Variants in ARHGAP26 observed in about 807,000 individuals in gnomAD.
ARHGAP26 encodes the protein rho GTPase-activating protein 26.
In ARHGAP26, 38 loss-of-function variants were observed where a neutral mutation model predicts 104.8. That is an observed-to-expected ratio of 0.36 (90% CI 0.28 to 0.48). ARHGAP26 has a LOEUF of 0.48. ARHGAP26 is among the 20% of genes least tolerant of loss of function. ARHGAP26 has a pLI of 0.99. For synonymous variants in ARHGAP26, 341 were observed against 340.0 expected (o/e 1.00, Z -0.03); for missense variants, 704 against 947.9 (o/e 0.74, Z 3.38).
intron 12 of ARHGAP26, among the ~76,000 whole-genome samples, chr5:143,036,432 C>T (rs1782653474): frequency 6.6e-6 from 1 of 152,152 alleles, no homozygotes; most frequent in South Asian, 2.1e-4. Flanking sequence ...ATCCTGTCAC[C>T]ACTTGCTCAT....
intron 11 of ARHGAP26, among the ~76,000 whole-genome samples, chr5:142,985,857 T>G (rs898241481): frequency 2.0e-5 from 3 of 152,112 alleles, no homozygotes; most frequent in Non-Finnish European, 4.4e-5. Flanking sequence ...TATGGCTGCA[T>G]AGTATTCCAT....
In ARHGAP26 at chr5:142,945,579, G is replaced by A. The variant is rs562942242; in HGVS notation, c.1107+13454G>A. The stretch of plus-strand genomic sequence containing the variant: ...TTCTCTATTTTGTTTCCTCCATCTG[G>A]AAGATGATATTTTGGCAAGTCAAGA... On this transcript the variant is annotated intron_variant, in intron 11 of 22. Coordinates refer to ENST00000645722, the MANE Select transcript of ARHGAP26 (RefSeq NM_001135608.3). 8.5e-5 allele frequency among the ~76,000 whole-genome samples: 13 copies of A among 152,284 alleles called. No homozygotes were observed. In the South Asian group the frequency reaches 2.1e-3, roughly 24 times the overall value.
intron 1 of ARHGAP26, among the ~76,000 whole-genome samples, chr5:142,819,289 C>G (rs1274543770): frequency 2.6e-5 from 4 of 151,924 alleles, no homozygotes; most frequent in Non-Finnish European, 5.9e-5. Context: ...CCCAGTAGGT[C>G]AGAGGTCAAC....
rs1285225261 is a variant in ARHGAP26, at chr5:143,208,974, C to T, written c.2099+1666C>T. ...ATAGCATAGATTATTCTCATTAGAT[C>T]ATGAGGACCTGAACCAGAGGAAACT... On this transcript the variant is annotated intron_variant, in intron 21 of 22. Coordinates refer to ENST00000645722, the MANE Select transcript of ARHGAP26 (RefSeq NM_001135608.3). 2.0e-5 allele frequency among the ~76,000 whole-genome samples: 3 copies of T among 152,174 alleles called. No homozygotes were observed. The East Asian group carries it at 5.8e-4, about 29-fold the overall frequency.
At chr5:142,923,839 A>G (rs1474819292) in intron 10 of ARHGAP26, among the ~76,000 whole-genome samples, 2 of 142,642 alleles carry the variant, frequency 1.4e-5, no homozygotes, top group Non-Finnish European at 3.0e-5. Context: ...TGATTCATTC[A>G]TTTATTAGGA....
rs757190356 is a variant in ARHGAP26, at chr5:143,098,312, C to T, written c.1539-22676C>T. Among the ~76,000 whole-genome samples, 170 of 152,128 alleles carry T rather than the reference C, an allele frequency of 1.1e-3. 1 individual carries two copies. The highest frequency in any genetic ancestry group is 2.0e-3 in the Non-Finnish European group (136 of 67,972). On this transcript the variant is annotated intron_variant, in intron 17 of 22. Coordinates refer to ENST00000645722, the MANE Select transcript of ARHGAP26 (RefSeq NM_001135608.3). ...CCAATTCCTTCTAAGCATACAATTCCGCAATGTCATTTTAACAATAACGTA... is the reference window on the plus strand; with the variant it reads ...CCAATTCCTTCTAAGCATACAATTCTGCAATGTCATTTTAACAATAACGTA...
At chr5:143,158,640 A>G (rs915247035) in intron 20 of ARHGAP26, among the ~76,000 whole-genome samples, 1 of 152,214 alleles carries the variant, frequency 6.6e-6, no homozygotes, top group Admixed American at 6.5e-5. Flanking sequence ...CTCTTCTAAT[A>G]TCTATCACCT....
chr5:142,890,195 T>TATATATATATGA (rs1554140804), intron 5 of ARHGAP26, among the ~76,000 whole-genome samples: 1 of 121,362 alleles, frequency 8.2e-6, no homozygotes, highest in African/African-American at 3.1e-5. Flanking sequence ...TATATATATA[T>TATATATATATGA]ATGAAAGTGC....
intron 20 of ARHGAP26, among the ~76,000 whole-genome samples, chr5:143,183,151 T>C (rs1804643974): frequency 6.6e-6 from 1 of 151,940 alleles, no homozygotes; most frequent in South Asian, 2.1e-4. Flanking sequence ...CGGCTGTTCT[T>C]GGTGGCAGTA....
At chr5:142,909,456 A>T (rs570510401) in intron 9 of ARHGAP26, among the ~76,000 whole-genome samples, 1 of 152,222 alleles carries the variant, frequency 6.6e-6, no homozygotes, top group South Asian at 2.1e-4. Context: ...CATTACTGTT[A>T]GGTACTCAGC....
chr5:143,055,656 G>A (rs189623084), intron 15 of ARHGAP26, among the ~76,000 whole-genome samples: 10 of 152,214 alleles, frequency 6.6e-5, no homozygotes, highest in African/African-American at 1.4e-4. Flanking sequence ...ACAACAAGCC[G>A]CTGGGAAGAT....
chr5:142,812,499 G>A (rs1019509743), intron 1 of ARHGAP26, among the ~76,000 whole-genome samples: 10 of 151,810 alleles, frequency 6.6e-5, no homozygotes, highest in South Asian at 2.1e-4. Context: ...CACCATGCCC[G>A]GCTAATTTTT....
At chr5:143,056,929 C>A (rs965899677) in intron 16 of ARHGAP26, among the ~76,000 whole-genome samples, 1 of 152,150 alleles carries the variant, frequency 6.6e-6, no homozygotes, top group African/African-American at 2.4e-5. Context: ...GTGTTTATGT[C>A]ATTTCTTTCT....
intron 11 of ARHGAP26, among the ~76,000 whole-genome samples, chr5:142,988,288 A>G (rs1001187409): frequency 6.6e-6 from 1 of 152,152 alleles, no homozygotes; most frequent in Non-Finnish European, 1.5e-5. Context: ...AGAGGTGTTT[A>G]TAGTATTCTC....
chr5:142,990,715 C>T (rs1027509329), intron 11 of ARHGAP26, among the ~76,000 whole-genome samples: 14 of 152,156 alleles, frequency 9.2e-5, no homozygotes, highest in Non-Finnish European at 1.3e-4. Context: ...TGTTGGGGTT[C>T]GCTGGAGGTC....
At chr5:143,086,347 T>G (rs1048989482) in intron 17 of ARHGAP26, among the ~76,000 whole-genome samples, 1 of 150,388 alleles carries the variant, frequency 6.6e-6, no homozygotes, top group Non-Finnish European at 1.5e-5. Context: ...GGCCTCCATC[T>G]TTATTTTTAG....
At chr5:143,204,956 G>C (rs1432999186) in intron 20 of ARHGAP26, among the ~76,000 whole-genome samples, 1 of 152,130 alleles carries the variant, frequency 6.6e-6, no homozygotes, top group African/African-American at 2.4e-5. Context: ...CTGGGCTGTG[G>C]TTTGAAAGTT....
chr5:142,838,144 G>A (rs1296716535), intron 1 of ARHGAP26, among the ~76,000 whole-genome samples: 1 of 152,068 alleles, frequency 6.6e-6, no homozygotes, highest in Non-Finnish European at 1.5e-5. Context: ...TATAATCCCA[G>A]CTACTCAGGA....
At chr5:142,995,666 A>G (rs1776270626) in intron 11 of ARHGAP26, among the ~76,000 whole-genome samples, 1 of 152,244 alleles carries the variant, frequency 6.6e-6, no homozygotes, top group Non-Finnish European at 1.5e-5. Context: ...TACTGGGTGT[A>G]TATCCAAAGG....
Sources: allele counts gnomAD v4.1 joint callset (sites outside exome capture counted in the v4.1 genomes callset), GRCh38; gene constraint gnomAD v4.1.1; transcripts MANE v1.5; gene names NCBI Gene and HGNC (gene_info 2026-07-23, HGNC 2026-07-21).